The following ANKRD10 variants were observed in gnomAD, a reference collection of about 807,000 sequenced individuals.
The protein encoded by ANKRD10 is ankyrin repeat domain 10, also known as ankyrin repeat domain-containing protein 10.
In ANKRD10, 14 loss-of-function variants were observed where a neutral mutation model predicts 27.0. That is an observed-to-expected ratio of 0.52 (90% CI 0.34 to 0.81). ANKRD10 has a LOEUF of 0.81. Among genes scored for constraint, ANKRD10 ranks in the 40% least tolerant of loss-of-function variants. ANKRD10 has a pLI of 0.01. For missense variants in ANKRD10, 493 were observed against 544.0 expected (o/e 0.91, Z 0.93); for synonymous variants, 250 against 224.5 (o/e 1.11, Z -1.01).
intron 4 of ANKRD10, among the ~76,000 whole-genome samples, chr13:110,892,248 A>G (rs1470808821): frequency 6.7e-6 from 1 of 150,258 alleles, no homozygotes; most frequent in Non-Finnish European, 1.5e-5. Flanking sequence ...CCTGGCCAAC[A>G]TGGTGAAGCC....
In ANKRD10 at chr13:110,879,772, G is replaced by A. The variant is rs193012420; in HGVS notation, c.1128C>T (p.His376=). Residue 376 remains histidine, a synonymous_variant, in exon 6 of 6, where the codon CAC becomes CAT. Coordinates refer to ENST00000267339, the MANE Select transcript of ANKRD10 (RefSeq NM_017664.4). ...CAGCAGTGTCCCCAAACCCGTGGTA[G>A]TGTCCATAGTACAGGTTATCCCCAA... ...EDIGDNLYYG[H]YHGFGDTAES... is the part of the protein sequence containing the mutation. The A allele has an allele frequency of 1.1e-5, 17 of 1,614,242 alleles. No individual in the cohort carries two copies. In the East Asian group the frequency reaches 3.8e-4, roughly 36 times the overall value.
chr13:110,896,169 T>G (rs188683446), intron 3 of ANKRD10, among the ~76,000 whole-genome samples: 98 of 152,304 alleles, frequency 6.4e-4, no homozygotes, highest in African/African-American at 2.3e-3. Flanking sequence ...GGTATCGGAA[T>G]CTAGGACACA....
At chr13:110,910,901 C>A in intron 1 of ANKRD10, 131 bp from the exon 2 acceptor site, 1 of 940,604 alleles carries the variant, frequency 1.1e-6, no homozygotes, top group African/African-American at 1.7e-5. Context: ...TTAAGTCACT[C>A]TTTCCCAATG....
At chr13:110,908,147 G>A (rs950650553) in intron 2 of ANKRD10, among the ~76,000 whole-genome samples, 2 of 152,144 alleles carry the variant, frequency 1.3e-5, no homozygotes, top group Non-Finnish European at 2.9e-5. Flanking sequence ...CAAATTGAGT[G>A]ATCTACAGGG....
At chr13:110,909,184 T>G (rs1384122681) in intron 2 of ANKRD10, among the ~76,000 whole-genome samples, 1 of 152,244 alleles carries the variant, frequency 6.6e-6, no homozygotes, top group African/African-American at 2.4e-5. Flanking sequence ...TAAGATGCTA[T>G]GTAACAATTT....
Position 110,914,976 on chromosome 13 carries a change from C to G in ANKRD10, c.-42G>C. On this transcript the variant is annotated 5_prime_UTR_variant, in exon 1 of 6. Transcript: ENST00000267339. ...GCGCGGGGCTCGCTGGCCTAGAGGA[C>G]GCGTCGGGGAGGACTCGAGAAGCCG... 1 of 1,513,096 alleles carries G rather than the reference C, an allele frequency of 6.6e-7. No homozygotes were observed. Among genetic ancestry groups the G allele is most frequent in the Non-Finnish European group, 8.8e-7 (1 of 1,135,584 alleles). 93.7% of individuals were successfully genotyped at this position (1,513,096 alleles called of 1,614,324 possible).
chr13:110,914,928 C>G lies in ANKRD10; in HGVS notation c.7G>C (p.Ala3Pro), dbSNP rs1453436096. The stretch of plus-strand genomic sequence containing the variant: ...TCTACGCCCGCGCCCGCTCCCGCCG[C>G]CGACATGGTCCGTCACCGGAGAGCG... Reference protein sequence around the residue: MSAAGAGAGVEAG... With the variant: MSPAGAGAGVEAG... The change falls in exon 1 of 6, where the codon GCG (alanine) becomes CCG (proline). Residue 3 changes from alanine (A) to proline (P), a missense_variant. Transcript: ENST00000267339. 2.0e-6 allele frequency: 3 copies of G among 1,532,828 alleles called. No homozygotes were observed. The highest frequency in any genetic ancestry group is 2.6e-6 in the Non-Finnish European group (3 of 1,144,830). 95.0% of individuals were successfully genotyped at this position (1,532,828 alleles called of 1,614,324 possible).
intron 4 of ANKRD10, among the ~76,000 whole-genome samples, chr13:110,884,468 C>T (rs1398561018): frequency 1.3e-5 from 2 of 152,230 alleles, no homozygotes; most frequent in Non-Finnish European, 2.9e-5. Flanking sequence ...TAGCAAGACT[C>T]ACTTCTTACA....
At chr13:110,913,805 A>G (rs1288432921) in intron 1 of ANKRD10, among the ~76,000 whole-genome samples, 1 of 152,200 alleles carries the variant, frequency 6.6e-6, no homozygotes, top group Admixed American at 6.5e-5. Flanking sequence ...AAGAAATATT[A>G]ATTAAAACCA....
intron 5 of ANKRD10, among the ~76,000 whole-genome samples, chr13:110,881,078 T>C (rs1566444145): frequency 6.6e-6 from 1 of 152,210 alleles, no homozygotes; most frequent in Non-Finnish European, 1.5e-5. Context: ...TGACAAGTTA[T>C]TCTTCTGTAT....
At chr13:110,883,914 A>AAAAAAAAAAAAAAC in intron 4 of ANKRD10, 121 bp from the exon 5 acceptor site, 2 of 1,096,640 alleles carry the variant, frequency 1.8e-6, no homozygotes, top group African/African-American at 1.6e-5. Context: ...ATAAAAAAAA[A>AAAAAAAAAAAAAAC]TCGACAGGTC....
chr13:110,897,091 G>A (rs951058377), intron 3 of ANKRD10, among the ~76,000 whole-genome samples: 1 of 151,952 alleles, frequency 6.6e-6, no homozygotes, highest in Non-Finnish European at 1.5e-5. Flanking sequence ...TCACCCTACA[G>A]TGCAAGGTAA....
At chr13:110,909,867 G>A (rs1281948580) in intron 2 of ANKRD10, among the ~76,000 whole-genome samples, 1 of 152,110 alleles carries the variant, frequency 6.6e-6, no homozygotes. Context: ...GAGTAAAAAA[G>A]GCATAAAAAC....
intron 3 of ANKRD10, chr13:110,895,053 A>G (rs1049975470): frequency 2.0e-5 from 3 of 152,226 alleles, no homozygotes; most frequent in Non-Finnish European, 4.4e-5. Context: ...GAACAGAAAA[A>G]TAAGTTGCCA....
At chr13:110,908,460 G>C (rs2065600960) in intron 2 of ANKRD10, among the ~76,000 whole-genome samples, 1 of 152,132 alleles carries the variant, frequency 6.6e-6, no homozygotes, top group African/African-American at 2.4e-5. Context: ...AAAGTCTGTG[G>C]TATTAACTTT....
intron 4 of ANKRD10, among the ~76,000 whole-genome samples, chr13:110,889,433 G>A (rs2065018713): frequency 6.6e-6 from 1 of 152,130 alleles, no homozygotes; most frequent in Non-Finnish European, 1.5e-5. Flanking sequence ...CACCTATTAT[G>A]TCTTACGTTC....
At chr13:110,914,488 C>T in intron 1 of ANKRD10, 1 of 394,444 alleles carries the variant, frequency 2.5e-6, no homozygotes, top group Non-Finnish European at 4.2e-6. Flanking sequence ...TAGGCCCCTC[C>T]GGACGCAGGC....
At chr13:110,900,437 A>G (rs1313963275) in intron 3 of ANKRD10, 22 of 930,304 alleles carry the variant, frequency 2.4e-5, no homozygotes, top group Middle Eastern at 2.8e-4. Context: ...AGAAAGGTAG[A>G]TATCATAAAT....
At chr13:110,895,465 T>TA (rs2065202105) in intron 3 of ANKRD10, 1 of 152,536 alleles carries the variant, frequency 6.6e-6, no homozygotes, top group Admixed American at 6.5e-5. Context: ...CACATGCCTA[T>TA]AGTCCCTGCT....
Sources: allele counts gnomAD v4.1 joint callset (sites outside exome capture counted in the v4.1 genomes callset), GRCh38; gene constraint gnomAD v4.1.1; transcripts MANE v1.5; gene names NCBI Gene and HGNC (gene_info 2026-07-23, HGNC 2026-07-21).